The following YARS1 variants were observed in gnomAD, a reference collection of about 807,000 sequenced individuals.
YARS1 encodes the protein tyrosyl-tRNA synthetase 1.
A neutral mutation model predicts 62.2 loss-of-function variants in YARS1; 36 were observed. That is an observed-to-expected ratio of 0.58 (90% CI 0.44 to 0.76). The LOEUF (loss-of-function observed/expected upper bound fraction) is 0.76. Among genes scored for constraint, YARS1 ranks in the 30% least tolerant of loss-of-function variants. The pLI, the probability that YARS1 is intolerant of heterozygous loss-of-function variation, is 0.00. For missense variants in YARS1, 524 were observed against 639.8 expected (o/e 0.82, Z 1.95); for synonymous variants, 234 against 244.9 (o/e 0.96, Z 0.42).
Position 32,806,374 on chromosome 1 carries a change from A to T in YARS1, c.510+108T>A. On this transcript the variant is annotated intron_variant, in intron 4 of 12. Coordinates refer to ENST00000373477, the MANE Select transcript of YARS1 (RefSeq NM_003680.4). Reference sequence around the variant, plus strand: ...GGGTTGCCACACACCTTCAATTTGTAAAAAACACAATATCTGCGTAGTGCA... The same window carrying T: ...GGGTTGCCACACACCTTCAATTTGTTAAAAACACAATATCTGCGTAGTGCA... 4 of 1,581,036 alleles carry T rather than the reference A, an allele frequency of 2.5e-6. No homozygotes were observed. In the South Asian group the frequency reaches 4.5e-5, roughly 18 times the overall value.
Position 32,776,147 on chromosome 1 carries a change from C to A in YARS1, c.1477-56G>T. Reference sequence around the variant, plus strand: ...GATGGTGGTGGGACTGCAAGAAAACCCCCCCTTTTTTGGAGGGGGGGCAGA... The same window carrying A: ...GATGGTGGTGGGACTGCAAGAAAACACCCCCTTTTTTGGAGGGGGGGCAGA... On this transcript the variant is annotated intron_variant, in intron 12 of 12. Coordinates refer to ENST00000373477, the MANE Select transcript of YARS1 (RefSeq NM_003680.4). This position sits in a 1 kb window ranked among gnomAD's most constrained non-coding sequence, Gnocchi z 4.0. 1 of 1,468,900 alleles carries A rather than the reference C, an allele frequency of 6.8e-7. No homozygotes were observed. Among genetic ancestry groups the A allele is most frequent in the Non-Finnish European group, 9.4e-7 (1 of 1,060,516 alleles). 91.0% of individuals were successfully genotyped at this position (1,468,900 alleles called of 1,614,324 possible).
intron 1 of YARS1, among the ~76,000 whole-genome samples, chr1:32,814,568 T>C (rs1484888552): frequency 6.6e-6 from 1 of 152,132 alleles, no homozygotes; most frequent in Non-Finnish European, 1.5e-5. Context: ...TTTTGTATTT[T>C]TAGTAGAGAT....
Position 32,776,036 on chromosome 1 carries a change from A to G in YARS1, c.1532T>C (p.Met511Thr). ...CIAQWKQTNF[M>T]TKLGSISCKS... ...ACAGGAAATGGAGCCCAGCTTGGTC[A>G]TGAAGTTGGTTTGCTTCCACTGTGC... is the stretch of plus-strand genomic sequence containing the variant. The change falls in exon 13 of 13, where the codon ATG becomes ACG. Residue 511 changes from methionine (M) to threonine (T), a missense_variant. Met to Thr is a moderately conservative substitution (Grantham distance 81, BLOSUM62 -1). Coordinates refer to ENST00000373477, the MANE Select transcript of YARS1 (RefSeq NM_003680.4). This position sits in a 1 kb window ranked among gnomAD's most constrained non-coding sequence, Gnocchi z 4.0. 6.2e-7 allele frequency: 1 copy of G among 1,614,174 alleles called. No homozygotes were observed. Among genetic ancestry groups the G allele is most frequent in the Non-Finnish European group, 8.5e-7 (1 of 1,180,024 alleles).
In YARS1 at chr1:32,786,997, C is replaced by T. The variant is rs768654208; in HGVS notation, c.763G>A (p.Val255Met). Reference sequence around the variant, plus strand: ...AAGGACAGAACCCCATTGTTCTCCACATTTCCTGGCTCACAGAAGGCCTTC... The same window carrying T: ...AAGGACAGAACCCCATTGTTCTCCATATTTCCTGGCTCACAGAAGGCCTTC... ...LKKAFCEPGN[V>M]ENNGVLSFIK... The change falls in exon 7 of 13, where the codon GTG (valine) becomes ATG (methionine). Residue 255 changes from valine to methionine, a missense_variant. By Grantham distance (21) the Val-to-Met change is conservative (BLOSUM62 1). Transcript: ENST00000373477. 1.2e-6 allele frequency: 2 copies of T among 1,614,186 alleles called. No individual in the cohort carries two copies. The highest frequency in any genetic ancestry group is 2.2e-5 in the East Asian group (1 of 44,882).
intron 4 of YARS1, among the ~76,000 whole-genome samples, chr1:32,805,885 C>T (rs866083745): frequency 6.6e-6 from 1 of 152,228 alleles, no homozygotes; most frequent in South Asian, 2.1e-4. Flanking sequence ...TTGCTTGAAC[C>T]CGGGAGGCGG....
intron 1 of YARS1, among the ~76,000 whole-genome samples, chr1:32,813,181 T>A (rs929059233): frequency 1.3e-5 from 2 of 152,074 alleles, no homozygotes; most frequent in Non-Finnish European, 2.9e-5. Flanking sequence ...GTAACTTCTG[T>A]CTCCCCAAAA....
At chr1:32,778,210 C>A (rs1258724538) in intron 12 of YARS1, among the ~76,000 whole-genome samples, 1 of 152,108 alleles carries the variant, frequency 6.6e-6, no homozygotes, top group East Asian at 1.9e-4. Flanking sequence ...TTGAGGTAGC[C>A]CAAGCACCCA....
chr1:32,809,900 G>A (rs1638544919), intron 3 of YARS1, among the ~76,000 whole-genome samples: 1 of 152,126 alleles, frequency 6.6e-6, no homozygotes. Flanking sequence ...GAGCTCAGGA[G>A]TTAGAGGTCA....
chr1:32,793,933 T>C (rs1383130740), intron 5 of YARS1, among the ~76,000 whole-genome samples: 2 of 152,170 alleles, frequency 1.3e-5, no homozygotes, highest in South Asian at 4.1e-4. Context: ...TACAAACACA[T>C]ACTAAGTGGG....
rs1653102481 is a variant in YARS1, at chr1:32,782,793, T to C, written c.907-254A>G. On this transcript the variant is annotated intron_variant, in intron 8 of 12. Coordinates refer to ENST00000373477, the MANE Select transcript of YARS1 (RefSeq NM_003680.4). ...TGAATGTATTTGTTAGTCTAATTCT[T>C]CTAGTCCCTCCATTTATGCTTAGAG... 1.4e-5 allele frequency: 7 copies of C among 507,324 alleles called. No homozygotes were observed. In the South Asian group the frequency reaches 1.5e-4, roughly 11 times the overall value. The allele number at this position is 507,324 out of a possible 1,614,324, so 31.4% of individuals were successfully genotyped here.
chr1:32,807,233 A>C (rs537576391), intron 3 of YARS1, among the ~76,000 whole-genome samples: 9 of 152,308 alleles, frequency 5.9e-5, no homozygotes, highest in African/African-American at 2.2e-4. Flanking sequence ...TTAAGATAGT[A>C]CTTTAGAACA....
Position 32,798,785 on chromosome 1 carries a change from T to C in YARS1, c.511-942A>G, listed in dbSNP as rs193284239. On this transcript the variant is annotated intron_variant, in intron 4 of 12. Coordinates refer to ENST00000373477, the MANE Select transcript of YARS1 (RefSeq NM_003680.4). Reference sequence around the variant, plus strand: ...CTGCGGTGAGCCATGATCGTGCCACTGCACCCGAGCCTGGGAGACAGAGTG... The same window carrying C: ...CTGCGGTGAGCCATGATCGTGCCACCGCACCCGAGCCTGGGAGACAGAGTG... Among the ~76,000 whole-genome samples the C allele has an allele frequency of 7.7e-3, 1,169 of 152,322 alleles. 14 individuals are homozygous for C. Among genetic ancestry groups the C allele is most frequent in the African/African-American group, 0.026 (1,084 of 41,564 alleles).
Position 32,806,539 on chromosome 1 carries a change from C to A in YARS1, c.453G>T (p.Glu151Asp). 1 of 1,614,146 alleles carries A rather than the reference C, an allele frequency of 6.2e-7. No individual in the cohort carries two copies. Among genetic ancestry groups the A allele is most frequent in the East Asian group, 2.2e-5 (1 of 44,884 alleles). The change falls in exon 4 of 13, where the codon GAG (glutamate) becomes GAT (aspartate). Residue 151 changes from glutamate to aspartate, a missense_variant. Glu to Asp is a conservative substitution (Grantham distance 45, BLOSUM62 2). Coordinates refer to ENST00000373477, the MANE Select transcript of YARS1 (RefSeq NM_003680.4). Reference protein sequence around the residue: ...TQHDSKKAGAEVVKQVEHPLL... With the variant: ...TQHDSKKAGADVVKQVEHPLL... ...AAGGGTGCTCCACCTGCTTTACCAC[C>A]TCAGCTCCAGCCTTCTTGGAATCGT...
chr1:32,808,043 T>C (rs199592609), intron 3 of YARS1, among the ~76,000 whole-genome samples: 2 of 152,038 alleles, frequency 1.3e-5, no homozygotes, highest in Non-Finnish European at 2.9e-5. Flanking sequence ...GTAGCTGGGA[T>C]TACAGGTGCA....
At chr1:32,815,027 CA>C (rs1417147217) in intron 1 of YARS1, among the ~76,000 whole-genome samples, 3 of 152,130 alleles carry the variant, frequency 2.0e-5, no homozygotes, top group Non-Finnish European at 2.9e-5. Context: ...TCTCACCATC[CA>C]AGAAGATGTC....
intron 7 of YARS1, 113 bp downstream of exon 7, chr1:32,786,827 G>GA: frequency 1.4e-6 from 2 of 1,385,344 alleles, no homozygotes; most frequent in Non-Finnish European, 2.0e-6. Flanking sequence ...TCAGAGCAGA[G>GA]AATCAGGGCA....
At chr1:32,796,896 T>A (rs1653600208) in intron 5 of YARS1, among the ~76,000 whole-genome samples, 2 of 122,070 alleles carry the variant, frequency 1.6e-5, no homozygotes, top group Non-Finnish European at 3.3e-5. Context: ...ACCCGGGAGG[T>A]GGAGGTTGCA....
intron 1 of YARS1, among the ~76,000 whole-genome samples, chr1:32,813,723 C>T (rs11799668): frequency 0.1 from 15,764 of 152,090 alleles, 905 homozygotes; most frequent in Admixed American, 0.17. Flanking sequence ...TCCTAATCTC[C>T]CATTCCAATT....
intron 5 of YARS1, among the ~76,000 whole-genome samples, chr1:32,792,066 T>A (rs1653428247): frequency 6.6e-6 from 1 of 152,124 alleles, no homozygotes; most frequent in Non-Finnish European, 1.5e-5. Context: ...CCCCACTGAT[T>A]TCTTGGCTGA....
Sources: gnomAD v4.1 joint callset for allele counts (sites outside exome capture counted in the v4.1 genomes callset) on GRCh38, gnomAD v4.1.1 for gene constraint, Gnocchi (gnomAD v3.1) non-coding constraint, MANE v1.5 for transcripts, NCBI Gene and HGNC (gene_info 2026-07-23, HGNC 2026-07-21) for gene names.